The following TRPM3 variants were observed in gnomAD, a reference collection of about 807,000 sequenced individuals.
TRPM3 encodes the protein transient receptor potential cation channel subfamily M member 3, also known as long transient receptor potential channel 3.
TRPM3 carries 77 observed loss-of-function variants against 181.2 expected under a neutral mutation model. That is an observed-to-expected ratio of 0.42 (90% CI 0.35 to 0.51). The LOEUF is 0.51. Among genes scored for constraint, TRPM3 ranks in the 20% least tolerant of loss-of-function variants. TRPM3 has a pLI of 0.01. For synonymous variants in TRPM3, 745 were observed against 796.4 expected (o/e 0.94, Z 1.09); for missense variants, 1,759 against 2,196.7 (o/e 0.80, Z 3.98).
intron 1 of TRPM3, among the ~76,000 whole-genome samples, chr9:70,977,183 G>A (rs1029144807): frequency 3.9e-5 from 6 of 152,118 alleles, no homozygotes; most frequent in African/African-American, 1.4e-4. Flanking sequence ...CACCCAGGCT[G>A]GAGTGCAGTG....
intron 1 of TRPM3, among the ~76,000 whole-genome samples, chr9:71,142,809 T>C (rs2075190018): frequency 7.1e-6 from 1 of 141,088 alleles, no homozygotes; most frequent in African/African-American, 2.7e-5. Context: ...GTACACAGTA[T>C]TCAAAGAAGT....
At chr9:70,666,285 C>T (rs117269717) in intron 9 of TRPM3, among the ~76,000 whole-genome samples, 1,650 of 152,328 alleles carry the variant, frequency 0.011, 8 homozygotes, top group Non-Finnish European at 0.018. Context: ...CACCTTGGGT[C>T]TCCCTTCTTC....
At chr9:70,685,278 C>T (rs896670491) in intron 8 of TRPM3, among the ~76,000 whole-genome samples, 11 of 152,152 alleles carry the variant, frequency 7.2e-5, no homozygotes, top group Non-Finnish European at 1.5e-4. Flanking sequence ...ATAGAATTCT[C>T]TTACTGTTTT....
At chr9:71,387,627 C>A (rs1418397054) in intron 1 of TRPM3, among the ~76,000 whole-genome samples, 1 of 152,086 alleles carries the variant, frequency 6.6e-6, no homozygotes, top group Non-Finnish European at 1.5e-5. Flanking sequence ...GAAACAGCAA[C>A]ATTATTTTAT....
intron 1 of TRPM3, among the ~76,000 whole-genome samples, chr9:70,871,065 A>T (rs970853173): frequency 6.6e-6 from 1 of 151,926 alleles, no homozygotes; most frequent in Admixed American, 6.6e-5. Flanking sequence ...AGTGGGGAAG[A>T]TTTGGAAAAG....
At chr9:71,174,918 G>A (rs1034339662) in intron 1 of TRPM3, among the ~76,000 whole-genome samples, 1 of 152,124 alleles carries the variant, frequency 6.6e-6, no homozygotes, top group African/African-American at 2.4e-5. Context: ...GATAGTGAGA[G>A]CTAATCTTTA....
chr9:70,564,545 T>C (rs556787169), intron 22 of TRPM3, among the ~76,000 whole-genome samples: 1 of 152,300 alleles, frequency 6.6e-6, no homozygotes. Flanking sequence ...CAGAAGCCCA[T>C]GCATATTTAG....
intron 9 of TRPM3, among the ~76,000 whole-genome samples, chr9:70,660,482 A>G (rs897122485): frequency 1.3e-5 from 2 of 152,058 alleles, no homozygotes; most frequent in Admixed American, 6.6e-5. Flanking sequence ...ACATATGTTG[A>G]CTGATGTTTC....
chr9:71,059,296 G>A (rs934541361), intron 1 of TRPM3, among the ~76,000 whole-genome samples: 10 of 151,782 alleles, frequency 6.6e-5, no homozygotes, highest in South Asian at 2.1e-4. Context: ...CCTCCTGCTC[G>A]CAAGAGTAGT....
chr9:71,000,299 T>C (rs73647929), intron 1 of TRPM3, among the ~76,000 whole-genome samples: 1 of 152,340 alleles, frequency 6.6e-6, no homozygotes, highest in African/African-American at 2.4e-5. Flanking sequence ...GGCTGAACAC[T>C]GAGGTTGAAG....
chr9:71,121,412 G>T lies in TRPM3; in HGVS notation c.-58C>A. The T allele has an allele frequency of 2.5e-6, 4 of 1,578,900 alleles. No individual in the cohort carries two copies. The highest frequency in any genetic ancestry group is 3.4e-6 in the Non-Finnish European group (4 of 1,163,938). ...TAGGGCAGAGGCTTCCTGGAACTTG[G>T]AAGACTAGTCAAGTAGCCTTGCCTG... is the stretch of plus-strand genomic sequence containing the variant. On this transcript the variant is annotated 5_prime_UTR_variant, in exon 1 of 26. Coordinates refer to ENST00000677713, the MANE Select transcript of TRPM3 (RefSeq NM_001366145.2).
At chr9:71,172,235 C>T (rs1014574072) in intron 1 of TRPM3, among the ~76,000 whole-genome samples, 3 of 151,988 alleles carry the variant, frequency 2.0e-5, no homozygotes, top group African/African-American at 7.2e-5. Flanking sequence ...GAAGTGGCTC[C>T]TGAACTGAGT....
chr9:70,795,282 C>T (rs991292976), intron 6 of TRPM3, among the ~76,000 whole-genome samples: 1 of 152,120 alleles, frequency 6.6e-6, no homozygotes, highest in Non-Finnish European at 1.5e-5. Flanking sequence ...TTGAATAATA[C>T]ATGAATTATT....
chr9:71,326,689 C>T (rs968904751), intron 1 of TRPM3, among the ~76,000 whole-genome samples: 2 of 152,154 alleles, frequency 1.3e-5, no homozygotes, highest in Non-Finnish European at 1.5e-5. Flanking sequence ...TGCAAAGAAG[C>T]TCAGGGATAC....
chr9:70,628,005 A>AGAT (rs1199195108), intron 12 of TRPM3, among the ~76,000 whole-genome samples: 1 of 152,258 alleles, frequency 6.6e-6, no homozygotes, highest in Non-Finnish European at 1.5e-5. Context: ...GAAAGTTTTA[A>AGAT]GATAGTAACT....
intron 1 of TRPM3, among the ~76,000 whole-genome samples, chr9:71,037,353 A>G (rs1383059846): frequency 1.3e-5 from 2 of 152,234 alleles, no homozygotes; most frequent in Admixed American, 1.3e-4. Flanking sequence ...TAAAGTTTGA[A>G]TATGTAACAC....
At position 71,142,184 on chromosome 9, in the gene TRPM3, A is replaced by G. The variant is rs564741357; in HGVS notation, c.184-277673T>C. On this transcript the variant is annotated intron_variant, in intron 1 of 24. Coordinates refer to the TRPM3 transcript ENST00000357533. ...GTAACACTAGACTAAACTTCAAACT[A>G]TCAAGATCTCTGGTTTCCTATTTCT... 9.2e-5 allele frequency among the ~76,000 whole-genome samples: 14 copies of G among 152,326 alleles called. No individual in the cohort carries two copies. The South Asian group carries it at 1.2e-3, about 14-fold the overall frequency.
intron 7 of TRPM3, among the ~76,000 whole-genome samples, chr9:70,768,639 G>C (rs2079596605): frequency 6.6e-6 from 1 of 151,810 alleles, no homozygotes. Context: ...GAAATGATTG[G>C]GCCAGGTGTG....
chr9:71,380,352 G>A (rs1027008575), intron 1 of TRPM3, among the ~76,000 whole-genome samples: 2 of 151,940 alleles, frequency 1.3e-5, no homozygotes, highest in East Asian at 1.9e-4. Context: ...CCTATGTTGC[G>A]AGGAAGTATG....
Sources: allele counts gnomAD v4.1 joint callset (sites outside exome capture counted in the v4.1 genomes callset), GRCh38; gene constraint gnomAD v4.1.1; transcripts MANE v1.5; gene names NCBI Gene and HGNC (gene_info 2026-07-23, HGNC 2026-07-21).